Variants in MGAM observed in about 807,000 individuals in gnomAD.
MGAM encodes alpha-1,4-glucosidase.
In MGAM, 253 loss-of-function variants were observed where a neutral mutation model predicts 358.8. That is an observed-to-expected ratio of 0.71 (90% CI 0.64 to 0.78). MGAM has a LOEUF of 0.78. MGAM is among the 30% of genes least tolerant of loss of function. MGAM has a pLI of 0.00. For synonymous variants in MGAM, 1,105 were observed against 1,227.1 expected, an observed-to-expected ratio of 0.90 and a Z score of 2.08; for missense variants, 3,080 against 3,432.6, an observed-to-expected ratio of 0.90 and a Z score of 2.57.
intron 34 of MGAM, among the ~76,000 whole-genome samples, chr7:142,061,244 G>A (rs1279188812): frequency 3.3e-5 from 5 of 152,116 alleles, no homozygotes; most frequent in African/African-American, 7.2e-5. Context: ...ACCCCGTATG[G>A]GATAGAATTC....
chr7:142,080,852 C>T lies in MGAM; in HGVS notation c.5909C>T (p.Pro1970Leu). The T allele has an allele frequency of 2.6e-6, 4 of 1,556,376 alleles. 1 individual carries two copies. The highest frequency in any genetic ancestry group is 3.5e-6 in the Non-Finnish European group (4 of 1,132,338). Reference protein sequence around the residue: ...VPVPLNIPSVPSSTPEGQLYD... With the variant: ...VPVPLNIPSVLSSTPEGQLYD... ...GTCCCTCTGAACATACCCAGCGTGC[C>T]ATCCAGCACCCCTGAGGGTCAACTC... is the stretch of plus-strand genomic sequence containing the variant. The change falls in exon 50 of 71, where the codon CCA (proline) becomes CTA (leucine). Residue 1970 changes from proline to leucine, a missense_variant. By Grantham distance (98) the Pro-to-Leu change is moderately conservative (BLOSUM62 -3). This residue lies in a region of MGAM where 932 missense variants were observed against 1,198.2 expected (regional missense o/e 0.78). Coordinates refer to ENST00000475668, the MANE Select transcript of MGAM (RefSeq NM_001365693.1).
Position 142,093,405 on chromosome 7 carries a change from T to C in MGAM, c.7034-7T>C. 6.5e-7 allele frequency: 1 copy of C among 1,533,510 alleles called. No homozygotes were observed. Among genetic ancestry groups the C allele is most frequent in the African/African-American group, 1.3e-5 (1 of 74,368 alleles). 95.0% of individuals were successfully genotyped at this position (1,533,510 alleles called of 1,614,324 possible). ...TGGATTTCACCTCACCAGTTCTTCC[T>C]CCTCAGATTTGGAGTCCAGGGACAG... is the stretch of plus-strand genomic sequence containing the variant. On this transcript the variant is annotated splice_region_variant and splice_polypyrimidine_tract_variant and intron_variant, in intron 59 of 70. Transcript: ENST00000475668.
chr7:141,996,144 C>T (rs1456308582), intron 1 of MGAM, among the ~76,000 whole-genome samples: 1 of 151,656 alleles, frequency 6.6e-6, no homozygotes, highest in African/African-American at 2.4e-5. Context: ...TAAAAAAATA[C>T]AAAAAATTAG....
rs369813631 is a variant in MGAM at position 142,034,717 on chromosome 7, G to A, written c.1835G>A (p.Arg612His). Residue 612 changes from arginine to histidine, a missense_variant, in exon 16 of 71, where the codon CGT becomes CAT. This residue lies in a region of MGAM where 1,816 missense variants were observed against 1,840.5 expected (regional missense o/e 0.99). Coordinates refer to ENST00000475668, the MANE Select transcript of MGAM (RefSeq NM_001365693.1). ...FPNKRSFILT[R>H]STFAGSGKFA... ...AATAAGAGAAGCTTCATTCTGACCC[G>A]TTCTACCTTTGCGGGCTCTGGCAAG... The A allele has an allele frequency of 3.0e-5, 49 of 1,613,412 alleles. No individual in the cohort carries two copies. The highest frequency in any genetic ancestry group is 1.6e-4 in the Middle Eastern group (1 of 6,080).
chr7:142,034,116 A>T (rs1441897970), intron 14 of MGAM, 146 bp from the exon 15 acceptor site: 2 of 600,838 alleles, frequency 3.3e-6, no homozygotes, highest in African/African-American at 1.9e-5. Flanking sequence ...AGTGGATAGC[A>T]TTCTAATAGT....
intron 29 of MGAM, 61 bp downstream of exon 29, chr7:142,056,157 C>T: frequency 6.7e-7 from 1 of 1,488,948 alleles, no homozygotes; most frequent in Non-Finnish European, 9.2e-7. Context: ...AGTCAATTTA[C>T]AATGTGTTTA....
At chr7:142,008,845 A>T in intron 3 of MGAM, 140 bp downstream of exon 3, 1 of 872,978 alleles carries the variant, frequency 1.1e-6, no homozygotes, top group Non-Finnish European at 1.7e-6. Flanking sequence ...GGCTCAGGCA[A>T]ATTAACCTGT....
chr7:142,005,760 T>G, intron 2 of MGAM, 103 bp downstream of exon 2: 1 of 1,191,044 alleles, frequency 8.4e-7, no homozygotes, highest in Non-Finnish European at 1.2e-6. Flanking sequence ...GTGTATGTGT[T>G]TGTTGCGGGG....
chr7:142,070,989 C>G lies in MGAM; in HGVS notation c.5062-5C>G, dbSNP rs527509987. The stretch of plus-strand genomic sequence containing the variant: ...TCATCATCTTTTACCTTCTTCTGCC[C>G]CCAGGGTGTGGATATTAATGCAAGA... On this transcript the variant is annotated splice_polypyrimidine_tract_variant and splice_region_variant and intron_variant, in intron 43 of 70. Coordinates refer to ENST00000475668, the MANE Select transcript of MGAM (RefSeq NM_001365693.1). 8 of 1,555,920 alleles carry G rather than the reference C, an allele frequency of 5.1e-6. 2 individuals carry two copies. Among genetic ancestry groups the G allele is most frequent in the African/African-American group, 4.0e-5 (3 of 74,604 alleles).
intron 42 of MGAM, 84 bp from the exon 43 acceptor site, chr7:142,068,563 T>G (rs1813048185): frequency 9.0e-7 from 1 of 1,112,804 alleles, no homozygotes; most frequent in African/African-American, 1.5e-5. Context: ...CCATCACAAT[T>G]ATTTCACCTC....
rs1189727903 is a variant in MGAM at position 142,066,567 on chromosome 7, C to A, written c.4771-6C>A. 11 of 1,554,270 alleles carry A rather than the reference C, an allele frequency of 7.1e-6. 3 individuals carry two copies. The highest frequency in any genetic ancestry group is 1.3e-5 in the African/African-American group (1 of 74,404). ...AGCTCCCAACACTGTTCTCTTTCTCCTTTAGAGACAAGACCCTGTGTCCTG... is the reference window on the plus strand; with the variant it reads ...AGCTCCCAACACTGTTCTCTTTCTCATTTAGAGACAAGACCCTGTGTCCTG... On this transcript the variant is annotated splice_polypyrimidine_tract_variant and splice_region_variant and intron_variant, in intron 40 of 70. Coordinates refer to ENST00000475668, the MANE Select transcript of MGAM (RefSeq NM_001365693.1).
At position 142,027,641 on chromosome 7, in the gene MGAM, G is replaced by A; in HGVS notation, c.1127G>A (p.Trp376Ter). ...LIGRPALPSY[W>*]ALGFHLSRYE... The stretch of plus-strand genomic sequence containing the variant: ...GGGCGGCCAGCCCTTCCCTCCTACT[G>A]GGCGCTTGGATTTCACCTCAGTCGT... The change falls in exon 10 of 71, where the codon TGG becomes TAG. Residue 376 changes from tryptophan (W) to a stop codon, truncating the protein, a stop_gained. Transcript: ENST00000475668. LOFTEE classifies it high-confidence loss of function. The A allele has an allele frequency of 2.5e-6, 4 of 1,613,658 alleles. No homozygotes were observed. Among genetic ancestry groups the A allele is most frequent in the Non-Finnish European group, 3.4e-6 (4 of 1,179,718 alleles).
chr7:142,078,606 A>G, intron 48 of MGAM, 136 bp downstream of exon 48: 1 of 1,123,740 alleles, frequency 8.9e-7, no homozygotes, highest in Non-Finnish European at 1.2e-6. Flanking sequence ...TCTGGATGTG[A>G]CAAGTAGGTG....
intron 28 of MGAM, 61 bp from the exon 29 acceptor site, chr7:142,055,939 A>C: frequency 6.6e-7 from 1 of 1,522,490 alleles, no homozygotes; most frequent in Non-Finnish European, 8.9e-7. Context: ...ATTTTTGTTG[A>C]GTTTCTTTCT....
At chr7:142,105,092 A>G (rs1424947538) in intron 70 of MGAM, among the ~76,000 whole-genome samples, 1 of 152,082 alleles carries the variant, frequency 6.6e-6, no homozygotes, top group Non-Finnish European at 1.5e-5. Context: ...ACATGCAGTG[A>G]AAGCTTCTTG....
chr7:142,055,955 A>G (rs764024326), intron 28 of MGAM, 45 bp from the exon 29 acceptor site: 2 of 1,557,390 alleles, frequency 1.3e-6, no homozygotes, highest in Non-Finnish European at 1.8e-6. Flanking sequence ...TTTCTCAGGC[A>G]TAATGTCTTT....
At chr7:142,097,482 G>A in intron 65 of MGAM, 111 bp from the exon 66 acceptor site, 1 of 1,048,628 alleles carries the variant, frequency 9.5e-7, no homozygotes, top group Non-Finnish European at 1.5e-6. Context: ...TGGGACATGA[G>A]GCAAGTGGGC....
Position 142,019,263 on chromosome 7 carries a change from A to G in MGAM, c.392A>G (p.Tyr131Cys), listed in dbSNP as rs1554457525. 1.2e-6 allele frequency: 2 copies of G among 1,613,634 alleles called. No individual in the cohort carries two copies. Among genetic ancestry groups the G allele is most frequent in the South Asian group, 1.1e-5 (1 of 91,088 alleles). The change falls in exon 4 of 71, where the codon TAC becomes TGC. Residue 131 changes from tyrosine (Y) to cysteine (C), a missense_variant. This residue lies in a region of MGAM where 1,816 missense variants were observed against 1,840.5 expected (regional missense o/e 0.99). Transcript: ENST00000475668. ...GGAGCTGTAAGTGTTCCCTGGTGCT[A>G]CTATTCCAAGAATCATAGCTACCAT... The part of the protein sequence containing the change: ...PQGAVSVPWC[Y>C]YSKNHSYHVE...
chr7:142,056,811 C>A lies in MGAM; in HGVS notation c.3581-19C>A. ...CATGGAAGGTGTCCGTGAGGCTTGG[C>A]ATTTTTCTTTATTTTCAGATGTGAC... is the stretch of plus-strand genomic sequence containing the variant. On this transcript the variant is annotated intron_variant, in intron 29 of 70. Transcript: ENST00000475668. The A allele has an allele frequency of 6.2e-7, 1 of 1,612,240 alleles. No individual in the cohort carries two copies. The highest frequency in any genetic ancestry group is 8.5e-7 in the Non-Finnish European group (1 of 1,179,076).
Sources: gnomAD v4.1 joint callset for allele counts (sites outside exome capture counted in the v4.1 genomes callset) on GRCh38, gnomAD v4.1.1 for gene constraint, gnomAD v4.1.1 regional missense constraint, MANE v1.5 for transcripts, NCBI Gene and HGNC (gene_info 2026-07-23, HGNC 2026-07-21) for gene names.